Variants in CDYL observed in about 807,000 individuals in gnomAD.
CDYL encodes chromodomain Y-like protein.
A neutral mutation model predicts 47.3 loss-of-function variants in CDYL; 8 were observed. The observed-to-expected ratio is 0.17, with a 90% CI of 0.10 to 0.31. The LOEUF is 0.31. CDYL is among the 10% of genes least tolerant of loss of function. CDYL has a pLI of 1.00. For synonymous variants in CDYL, 266 were observed against 265.0 expected, an observed-to-expected ratio of 1.00 and a Z score of -0.04; for missense variants, 471 against 701.4, an observed-to-expected ratio of 0.67 and a Z score of 3.71.
Position 4,953,934 on chromosome 6 carries a change from A to C in CDYL, c.1513A>C (p.Met505Leu), listed in dbSNP as rs747714804. The change falls in exon 7 of 7, where the codon ATG (methionine) becomes CTG (leucine). Residue 505 changes from methionine (M) to leucine (L), a missense_variant. Transcript: ENST00000397588. ...ATCCAAAGCCCTCGTGCGCTGCAAC[A>C]TGAAGATGGAGCTGGAGCAGGCCAA... ...EESKALVRCN[M>L]KMELEQANER... is the part of the protein sequence containing the mutation. 1.2e-6 allele frequency: 2 copies of C among 1,614,022 alleles called. No homozygotes were observed. Among genetic ancestry groups the C allele is most frequent in the Admixed American group, 3.3e-5 (2 of 59,996 alleles).
At chr6:4,882,704 A>G (rs544964423) in intron 1 of CDYL, among the ~76,000 whole-genome samples, 2 of 152,186 alleles carry the variant, frequency 1.3e-5, no homozygotes, top group Non-Finnish European at 2.9e-5. Flanking sequence ...AAAAGGCTTA[A>G]TTATTTTTGT....
chr6:4,910,595 A>C (rs530073343), intron 2 of CDYL, among the ~76,000 whole-genome samples: 2 of 152,230 alleles, frequency 1.3e-5, no homozygotes, highest in Non-Finnish European at 2.9e-5. Context: ...GGCAACAGGT[A>C]AGTGCTCTCA....
intron 1 of CDYL, among the ~76,000 whole-genome samples, chr6:4,876,073 G>A (rs1394110621): frequency 6.6e-6 from 1 of 152,216 alleles, no homozygotes; most frequent in African/African-American, 2.4e-5. Flanking sequence ...CTGGAAAGCT[G>A]TCAGTCACCC....
At position 4,746,772 on chromosome 6, in the gene CDYL, A is replaced by G. The variant is rs907265832; in HGVS notation, c.186+11928A>G. On this transcript the variant is annotated intron_variant, in intron 3 of 8. Coordinates refer to the CDYL transcript ENST00000328908. Reference sequence around the variant, plus strand: ...GAGAAGAAGCTGTGGGGTCGCTGGCATAGACTAATGGGAGCCAGGGGAAGG... The same window carrying G: ...GAGAAGAAGCTGTGGGGTCGCTGGCGTAGACTAATGGGAGCCAGGGGAAGG... Among the ~76,000 whole-genome samples, 7 of 152,280 alleles carry G rather than the reference A, an allele frequency of 4.6e-5. 1 individual carries two copies. The East Asian group carries it at 5.8e-4, about 13-fold the overall frequency.
intron 1 of CDYL, among the ~76,000 whole-genome samples, chr6:4,816,667 T>G (rs1759685229): frequency 1.3e-5 from 2 of 151,966 alleles, no homozygotes; most frequent in African/African-American, 4.8e-5. Flanking sequence ...TTTTGTATTT[T>G]TAGTAGAGAC....
chr6:4,771,797 C>A (rs1758342117), upstream of CDYL, among the ~76,000 whole-genome samples: 1 of 152,212 alleles, frequency 6.6e-6, no homozygotes, highest in Non-Finnish European at 1.5e-5. Context: ...AATTAATCAT[C>A]ACAATAATTC....
intron 1 of CDYL, among the ~76,000 whole-genome samples, chr6:4,885,519 G>A (rs766863921): frequency 6.6e-6 from 1 of 152,168 alleles, no homozygotes; most frequent in Non-Finnish European, 1.5e-5. Context: ...GGGGGTCCTG[G>A]AGTATATCCC....
intron 2 of CDYL, among the ~76,000 whole-genome samples, chr6:4,900,802 T>C (rs1208038338): frequency 2.3e-5 from 2 of 85,462 alleles, no homozygotes; most frequent in African/African-American, 9.8e-5. Context: ...TATATATATA[T>C]ATATATATAT....
At position 4,715,233 on chromosome 6, in the gene CDYL, A is replaced by C. The variant is rs150419935; in HGVS notation, c.-38-508A>C. Among the ~76,000 whole-genome samples the C allele has an allele frequency of 1.6e-4, 24 of 152,308 alleles. No homozygotes were observed. The East Asian group carries it at 4.6e-3, about 29-fold the overall frequency. ...TTCTTCCTGCTTTCAGACCTTTTGT[A>C]TAAGACGTCAGTTATGTCTTCCTAC... On this transcript the variant is annotated intron_variant, in intron 1 of 8. Transcript: ENST00000328908.
At chr6:4,784,361 C>G (rs929387362) in intron 1 of CDYL, among the ~76,000 whole-genome samples, 4 of 152,076 alleles carry the variant, frequency 2.6e-5, no homozygotes, top group African/African-American at 4.8e-5. Context: ...TATTAAAGAT[C>G]TAGTTAATTT....
intron 2 of CDYL, among the ~76,000 whole-genome samples, chr6:4,725,252 C>T (rs1182388021): frequency 6.6e-6 from 1 of 152,256 alleles, no homozygotes; most frequent in African/African-American, 2.4e-5. Context: ...GAATCAGGAG[C>T]CCAGCTGGCT....
At chr6:4,715,687 G>A (rs530476066) in intron 1 of CDYL, 1 of 1,513,380 alleles carries the variant, frequency 6.6e-7, no homozygotes, top group Non-Finnish European at 8.9e-7. Flanking sequence ...CATGAGCCTT[G>A]GGTTTTTTCC....
intron 2 of CDYL, among the ~76,000 whole-genome samples, chr6:4,722,115 A>C (rs1757381674): frequency 6.6e-6 from 1 of 152,202 alleles, no homozygotes; most frequent in Admixed American, 6.5e-5. Context: ...AGCCTCCCAA[A>C]GTGTTGGGAT....
At chr6:4,941,667 A>T (rs982030641) in intron 4 of CDYL, among the ~76,000 whole-genome samples, 3 of 152,266 alleles carry the variant, frequency 2.0e-5, no homozygotes, top group Non-Finnish European at 4.4e-5. Context: ...ATATCTATTA[A>T]TATTTTAGAA....
At position 4,776,732 on chromosome 6, in the gene CDYL, G is replaced by A; in HGVS notation, c.-52G>A. The A allele has an allele frequency of 7.9e-7, 1 of 1,268,264 alleles. No homozygotes were observed. Among genetic ancestry groups the A allele is most frequent in the Non-Finnish European group, 1.0e-6 (1 of 984,114 alleles). 78.6% of individuals were successfully genotyped at this position (1,268,264 alleles called of 1,614,324 possible). ...TGAAACAAAGTGTCGGCCGCCCGGC[G>A]CCGGCGCCCGCCCCGACCCTGCCCC... On this transcript the variant is annotated 5_prime_UTR_variant, in exon 1 of 7. Transcript: ENST00000397588.
intron 1 of CDYL, chr6:4,836,178 G>C (rs539721890): frequency 4.7e-6 from 2 of 426,612 alleles, no homozygotes; most frequent in Non-Finnish European, 6.3e-6. Context: ...CGTCGCTCAC[G>C]CTGGGAGCTG....
intron 1 of CDYL, among the ~76,000 whole-genome samples, chr6:4,787,836 G>A (rs562061115): frequency 1.5e-5 from 2 of 132,534 alleles, no homozygotes; most frequent in Admixed American, 1.9e-4. Context: ...GCAATGGCAC[G>A]ATCTCGGCTC....
chr6:4,718,261 T>TTGG lies in CDYL; in HGVS notation c.103+2397_103+2399dup, dbSNP rs70974131. On this transcript the variant is annotated intron_variant, in intron 2 of 8. Transcript: ENST00000328908. ...TTTAAGAATGCCCAGTTTTTTGTCA[T>TTGG]TGGTGGTGGTGGTGGTGGTTTTTTT... 1.2e-4 allele frequency among the ~76,000 whole-genome samples: 18 copies of TTGG among 152,024 alleles called. No homozygotes were observed. The East Asian group carries it at 1.7e-3, about 15-fold the overall frequency.
At chr6:4,927,090 T>C (rs1183676540) in intron 2 of CDYL, among the ~76,000 whole-genome samples, 1 of 152,260 alleles carries the variant, frequency 6.6e-6, no homozygotes, top group African/African-American at 2.4e-5. Flanking sequence ...CACTGTTTCC[T>C]TACTACTAGG....
Sources: allele counts gnomAD v4.1 joint callset (sites outside exome capture counted in the v4.1 genomes callset), GRCh38; gene constraint gnomAD v4.1.1; transcripts MANE v1.5; gene names NCBI Gene and HGNC (gene_info 2026-07-23, HGNC 2026-07-21).